JAK1: variants seen among roughly 807,000 people sequenced by gnomAD.
The protein encoded by JAK1 is tyrosine-protein kinase JAK1.
In JAK1, 16 loss-of-function variants were observed where a neutral mutation model predicts 136.6. The ratio of observed to expected loss-of-function variants is 0.12; its 90% CI spans 0.08 to 0.18. The LOEUF is 0.18. JAK1 is among the 10% of genes least tolerant of loss of function. JAK1 has a pLI of 1.00. For synonymous variants in JAK1, 492 were observed against 519.5 expected, an observed-to-expected ratio of 0.95 and a Z score of 0.72; for missense variants, 859 against 1,450.1, an observed-to-expected ratio of 0.59 and a Z score of 6.62.
intron 2 of JAK1, among the ~76,000 whole-genome samples, chr1:64,988,831 G>GTGAATTA (rs1646624320): frequency 6.6e-6 from 1 of 151,870 alleles, no homozygotes; most frequent in African/African-American, 2.4e-5. Context: ...CAAGGCTGCA[G>GTGAATTA]TGAACTATGA....
At chr1:64,888,700 T>C (rs1644889060) in intron 1 of JAK1, among the ~76,000 whole-genome samples, 1 of 152,234 alleles carries the variant, frequency 6.6e-6, no homozygotes, top group African/African-American at 2.4e-5. Context: ...AATCACATTA[T>C]ACCTAATCTT....
At chr1:65,001,137 C>T (rs1646752341) in intron 2 of JAK1, among the ~76,000 whole-genome samples, 1 of 152,062 alleles carries the variant, frequency 6.6e-6, no homozygotes, top group African/African-American at 2.4e-5. Context: ...TAAACCCCTC[C>T]CAAAAATGGA....
At chr1:64,834,727 C>T (rs375676764) in intron 24 of JAK1, 70 bp from the exon 25 acceptor site, 1 of 981,152 alleles carries the variant, frequency 1.0e-6, no homozygotes, top group Non-Finnish European at 1.6e-6. Context: ...ACAGAAATAT[C>T]AAGAGTAAGA....
In JAK1 at chr1:65,027,231, AT is replaced by A. The variant is rs112481251; in HGVS notation, c.-78+17248del. 3.3e-3 allele frequency among the ~76,000 whole-genome samples: 487 copies of A among 148,164 alleles called. 2 individuals carry two copies. The highest frequency in any genetic ancestry group is 0.011 in the African/African-American group (461 of 40,362). On this transcript the variant is annotated intron_variant, in intron 2 of 25. Coordinates refer to the JAK1 transcript ENST00000671954. ...CTGGCTAATTTACCACACCTGGCTA[AT>A]TTTTTTTTTCTTTTAGTAGAGATGG...
rs574608635 is a variant in JAK1, at chr1:64,989,235, G to C, written c.-78+55245C>G. ...AGCTACTCCGGAGGCTGAGGCAGGA[G>C]AATTGTTTGAACCTGGGAGGCAGAG... On this transcript the variant is annotated intron_variant, in intron 2 of 25. Transcript: ENST00000671954. 3.4e-4 allele frequency among the ~76,000 whole-genome samples: 51 copies of C among 150,186 alleles called. 2 individuals are homozygous for C. The East Asian group carries it at 9.9e-3, about 29-fold the overall frequency.
chr1:64,916,447 G>A (rs1010071366), intron 1 of JAK1, among the ~76,000 whole-genome samples: 2 of 152,180 alleles, frequency 1.3e-5, no homozygotes, highest in African/African-American at 4.8e-5. Context: ...AAGCCTATAT[G>A]ATTGTCAAAA....
chr1:64,929,904 C>T (rs1051503302), intron 1 of JAK1, among the ~76,000 whole-genome samples: 23 of 152,246 alleles, frequency 1.5e-4, no homozygotes, highest in East Asian at 3.9e-4. Flanking sequence ...TGATCTTTGA[C>T]GAATCTGACC....
intron 12 of JAK1, among the ~76,000 whole-genome samples, chr1:64,848,482 G>C (rs1195106659): frequency 6.6e-6 from 1 of 152,206 alleles, no homozygotes; most frequent in Non-Finnish European, 1.5e-5. Context: ...AGATGAAGGT[G>C]GAGCCTGGGG....
At chr1:64,891,493 C>T (rs902158304) in intron 1 of JAK1, among the ~76,000 whole-genome samples, 3 of 152,178 alleles carry the variant, frequency 2.0e-5, no homozygotes, top group Admixed American at 6.5e-5. Context: ...TGTTCCTGCC[C>T]ACTACTAATG....
chr1:65,048,938 A>C (rs893638995), intron 1 of JAK1, among the ~76,000 whole-genome samples: 61 of 152,362 alleles, frequency 4.0e-4, no homozygotes, highest in African/African-American at 1.5e-3. Context: ...CAAGTTCAAA[A>C]GCAAATGAAA....
intron 2 of JAK1, among the ~76,000 whole-genome samples, chr1:65,010,552 T>C (rs546344427): frequency 3.9e-5 from 6 of 152,238 alleles, no homozygotes; most frequent in Non-Finnish European, 7.3e-5. Context: ...CTGGACTGTA[T>C]CGTCCAGTTA....
At chr1:65,008,597 C>A (rs576037528) in intron 2 of JAK1, among the ~76,000 whole-genome samples, 43 of 152,138 alleles carry the variant, frequency 2.8e-4, no homozygotes, top group South Asian at 1.9e-3. Flanking sequence ...TGTACAGGTT[C>A]ATATAATAAG....
chr1:65,040,150 G>C (rs1188110670), intron 2 of JAK1, among the ~76,000 whole-genome samples: 1 of 151,962 alleles, frequency 6.6e-6, no homozygotes, highest in Non-Finnish European at 1.5e-5. Flanking sequence ...AGGAGGTGGA[G>C]GTTGTAGTGA....
At chr1:64,841,172 T>C in intron 19 of JAK1, 73 bp downstream of exon 19, 2 of 1,059,460 alleles carry the variant, frequency 1.9e-6, no homozygotes, top group Non-Finnish European at 1.5e-6. Flanking sequence ...AGAGCAGCTG[T>C]ACGTGCAGAG....
At chr1:65,019,459 C>T (rs1646918638) in intron 2 of JAK1, among the ~76,000 whole-genome samples, 4 of 148,292 alleles carry the variant, frequency 2.7e-5, no homozygotes, top group Admixed American at 2.7e-4. Flanking sequence ...TATGACCCCC[C>T]CCCCAATATA....
intron 1 of JAK1, among the ~76,000 whole-genome samples, chr1:64,900,839 G>A (rs1217233921): frequency 6.6e-6 from 1 of 152,094 alleles, no homozygotes; most frequent in East Asian, 1.9e-4. Flanking sequence ...CCCCATTTGT[G>A]CCCTGAACTC....
chr1:64,895,836 C>T (rs141510808), intron 1 of JAK1, among the ~76,000 whole-genome samples: 17 of 152,326 alleles, frequency 1.1e-4, no homozygotes, highest in Middle Eastern at 6.8e-3. Context: ...TTCTCACAGT[C>T]CCAGGTGTCT....
At chr1:64,910,294 C>T (rs1645261058) in intron 1 of JAK1, among the ~76,000 whole-genome samples, 1 of 151,828 alleles carries the variant, frequency 6.6e-6, no homozygotes, top group Non-Finnish European at 1.5e-5. Flanking sequence ...TCCACATAGA[C>T]ATTAAGGATG....
chr1:65,032,122 C>T (rs1006176250), intron 2 of JAK1, among the ~76,000 whole-genome samples: 7 of 152,050 alleles, frequency 4.6e-5, no homozygotes, highest in Non-Finnish European at 8.8e-5. Flanking sequence ...CGCACCACCA[C>T]GCCCAGCTAA....
Sources: allele counts gnomAD v4.1 joint callset (sites outside exome capture counted in the v4.1 genomes callset), GRCh38; gene constraint gnomAD v4.1.1; transcripts MANE v1.5; gene names NCBI Gene and HGNC (gene_info 2026-07-23, HGNC 2026-07-21).